Variants in GPHN observed in about 807,000 individuals in gnomAD.
GPHN encodes the protein gephyrin.
In GPHN, 17 loss-of-function variants were observed where a neutral mutation model predicts 95.5. The observed-to-expected ratio is 0.18, with a 90% CI of 0.12 to 0.27. GPHN has a LOEUF of 0.27. Ranked by LOEUF, GPHN falls within the 10% of genes least tolerant of loss-of-function variation. GPHN has a pLI of 1.00. For synonymous variants in GPHN, 320 were observed against 322.5 expected (o/e 0.99, Z 0.08); for missense variants, 660 against 978.1 (o/e 0.67, Z 4.34).
the GPHN span, among the ~76,000 whole-genome samples, chr14:67,213,325 C>A: frequency 8.5e-6 from 1 of 117,990 alleles, no homozygotes; most frequent in Admixed American, 9.9e-5. Flanking sequence ...TCCCCCCACC[C>A]CACAACAGTC....
intron 5 of GPHN, among the ~76,000 whole-genome samples, chr14:66,893,217 G>C (rs2064619323): frequency 6.6e-6 from 1 of 152,188 alleles, no homozygotes; most frequent in East Asian, 1.9e-4. Flanking sequence ...AATAGGAACA[G>C]CTCCAGTCTA....
At chr14:67,716,053 C>T in the GPHN span, among the ~76,000 whole-genome samples, 1 of 151,926 alleles carries the variant, frequency 6.6e-6, no homozygotes, top group African/African-American at 2.4e-5. Context: ...AAAAATTAGC[C>T]GGGGGTGGTA....
At chr14:67,692,343 CCACT>C in the GPHN span, 3 of 1,348,070 alleles carry the variant, frequency 2.2e-6, no homozygotes, top group African/African-American at 4.4e-5. Flanking sequence ...ATTTTATCCA[CCACT>C]TCTATGAGGA....
At chr14:67,034,190 A>G (rs937917011) in intron 10 of GPHN, among the ~76,000 whole-genome samples, 6 of 152,302 alleles carry the variant, frequency 3.9e-5, no homozygotes, top group Middle Eastern at 3.4e-3. Context: ...CTATATTACT[A>G]TAATGGTGGC....
the GPHN span, chr14:67,615,691 C>A: frequency 2.0e-6 from 1 of 492,736 alleles, no homozygotes; most frequent in Non-Finnish European, 4.0e-6. Context: ...AGACAAGGCC[C>A]GTTACGAAAG....
At chr14:67,242,535 A>G in the GPHN span, among the ~76,000 whole-genome samples, 1 of 152,216 alleles carries the variant, frequency 6.6e-6, no homozygotes, top group African/African-American at 2.4e-5. Context: ...AAATTATGCA[A>G]TAGGAACAAA....
At chr14:67,087,686 A>T (rs1298493581) in intron 11 of GPHN, among the ~76,000 whole-genome samples, 1 of 152,148 alleles carries the variant, frequency 6.6e-6, no homozygotes, top group East Asian at 1.9e-4. Flanking sequence ...AAATCTCTCT[A>T]CACTTACTTC....
At chr14:67,321,520 A>G in the GPHN span, among the ~76,000 whole-genome samples, 6 of 152,318 alleles carry the variant, frequency 3.9e-5, no homozygotes, top group Middle Eastern at 3.4e-3. Flanking sequence ...TTTGAATTTC[A>G]GAATTTCTCA....
chr14:67,154,672 A>G (rs1446493066), intron 18 of GPHN, among the ~76,000 whole-genome samples: 3 of 152,260 alleles, frequency 2.0e-5, no homozygotes, highest in Admixed American at 2.0e-4. Context: ...ATAGTTTAAC[A>G]AAGGATACAT....
chr14:67,631,440 T>G, the GPHN span, among the ~76,000 whole-genome samples: 1 of 147,252 alleles, frequency 6.8e-6, no homozygotes. Flanking sequence ...CTTTCTTTTT[T>G]TTTTTTTTTT....
chr14:67,255,152 A>G, the GPHN span, among the ~76,000 whole-genome samples: 1 of 152,016 alleles, frequency 6.6e-6, no homozygotes, highest in African/African-American at 2.4e-5. Flanking sequence ...CATCTCTCAA[A>G]AAAAAAAAAA....
intron 2 of GPHN, among the ~76,000 whole-genome samples, chr14:66,775,033 C>T (rs939777733): frequency 2.0e-5 from 3 of 151,158 alleles, no homozygotes; most frequent in Non-Finnish European, 4.4e-5. Context: ...TTCTTTCCAA[C>T]TTTTATTTTA....
chr14:67,391,320 C>T, the GPHN span, among the ~76,000 whole-genome samples: 4 of 144,764 alleles, frequency 2.8e-5, no homozygotes, highest in Admixed American at 1.4e-4. Context: ...TCTTTGGCCT[C>T]ACTGACCAGG....
At chr14:67,164,734 C>T (rs1276030204) in intron 19 of GPHN, among the ~76,000 whole-genome samples, 1 of 151,990 alleles carries the variant, frequency 6.6e-6, no homozygotes, top group Non-Finnish European at 1.5e-5. Context: ...TCAAGTGATC[C>T]ACCCCCCTCA....
the GPHN span, chr14:67,586,121 G>A: frequency 9.9e-6 from 16 of 1,612,284 alleles, no homozygotes; most frequent in Non-Finnish European, 1.2e-5. Context: ...CTGTTAAAAC[G>A]TTCTACTCTG....
At chr14:67,102,888 A>G (rs1014958667) in intron 13 of GPHN, among the ~76,000 whole-genome samples, 5 of 152,002 alleles carry the variant, frequency 3.3e-5, no homozygotes, top group African/African-American at 9.7e-5. Flanking sequence ...TTCGCATGCA[A>G]CTCTCTGAAG....
chr14:67,401,131 T>A, the GPHN span, among the ~76,000 whole-genome samples: 1 of 152,024 alleles, frequency 6.6e-6, no homozygotes, highest in African/African-American at 2.4e-5. Flanking sequence ...AAAGAGGGAA[T>A]TAAATTAAAA....
At chr14:66,896,504 C>T (rs1438520981) in intron 5 of GPHN, among the ~76,000 whole-genome samples, 1 of 151,752 alleles carries the variant, frequency 6.6e-6, no homozygotes, top group East Asian at 1.9e-4. Flanking sequence ...TGTAGCTACT[C>T]GGGAAACTGA....
chr14:67,592,739 T>G, the GPHN span: 1 of 1,395,266 alleles, frequency 7.2e-7, no homozygotes, highest in Non-Finnish European at 1.0e-6. Context: ...ATAAATCAAA[T>G]AGCAAAGTCT....
Sources: gnomAD v4.1 joint callset for allele counts (sites outside exome capture counted in the v4.1 genomes callset) on GRCh38, gnomAD v4.1.1 for gene constraint, MANE v1.5 for transcripts, NCBI Gene and HGNC (gene_info 2026-07-23, HGNC 2026-07-21) for gene names.